Variants in ADAMTS18 observed in about 807,000 individuals in gnomAD.
The protein encoded by ADAMTS18 is ADAM metallopeptidase with thrombospondin type 1 motif 18.
ADAMTS18 carries 157 observed loss-of-function variants against 165.9 expected under a neutral mutation model. The ratio of observed to expected loss-of-function variants is 0.95; its 90% CI spans 0.83 to 1.08. The LOEUF is 1.08. Ranked by LOEUF, ADAMTS18 falls within the 50% of genes least tolerant of loss-of-function variation. The pLI is 0.00. For missense variants in ADAMTS18, 2,040 were observed against 1,534.0 expected, an observed-to-expected ratio of 1.33 and a Z score of -5.51; for synonymous variants, 782 against 578.2, an observed-to-expected ratio of 1.35 and a Z score of -5.06.
At chr16:77,343,770 T>G (rs2056434221) in intron 10 of ADAMTS18, among the ~76,000 whole-genome samples, 1 of 152,200 alleles carries the variant, frequency 6.6e-6, no homozygotes, top group African/African-American at 2.4e-5. Flanking sequence ...ACAGTTAAAG[T>G]TGATATTTAC....
At chr16:77,433,967 A>G (rs1287338311) in intron 2 of ADAMTS18, among the ~76,000 whole-genome samples, 1 of 152,110 alleles carries the variant, frequency 6.6e-6, no homozygotes, top group Non-Finnish European at 1.5e-5. Flanking sequence ...AAAAAAAAAG[A>G]AGAGATAGAA....
At chr16:77,334,727 A>ATATACTATAGATATATACTG (rs2056267134) in intron 12 of ADAMTS18, among the ~76,000 whole-genome samples, 2 of 73,422 alleles carry the variant, frequency 2.7e-5, no homozygotes, top group African/African-American at 1.2e-4. Context: ...GTATACTACT[A>ATATACTATAGATATATACTG]TATACTATAG....
intron 3 of ADAMTS18, among the ~76,000 whole-genome samples, chr16:77,417,489 G>A (rs1390840675): frequency 6.6e-6 from 1 of 152,208 alleles, no homozygotes; most frequent in Non-Finnish European, 1.5e-5. Context: ...ACTACTCACT[G>A]TTAGCTGATG....
chr16:77,389,526 C>A (rs566182507), intron 3 of ADAMTS18, among the ~76,000 whole-genome samples: 5 of 152,050 alleles, frequency 3.3e-5, no homozygotes, highest in Non-Finnish European at 7.4e-5. Context: ...GTAGGACCTG[C>A]GAATAAGTAA....
chr16:77,389,503 G>A (rs2057156384), intron 3 of ADAMTS18, among the ~76,000 whole-genome samples: 1 of 152,130 alleles, frequency 6.6e-6, no homozygotes, highest in African/African-American at 2.4e-5. Flanking sequence ...TTTATAATGG[G>A]CCAGGCACTG....
At position 77,367,505 on chromosome 16, in the gene ADAMTS18, A is replaced by G. The variant is rs1456738107; in HGVS notation, c.714T>C (p.Ser238=). ...SPSHIPHASQ[S]RETEYHHRRL... The stretch of plus-strand genomic sequence containing the variant: ...TTCGATGGTGATACTCTGTCTCTCG[A>G]CTCTGAGATGCATGGGGAATGTGAC... Residue 238 remains serine, a synonymous_variant, in exon 4 of 23, where the codon AGT becomes AGC. Coordinates refer to ENST00000282849, the MANE Select transcript of ADAMTS18 (RefSeq NM_199355.4). The G allele has an allele frequency of 3.7e-6, 6 of 1,614,174 alleles. No individual in the cohort carries two copies. Among genetic ancestry groups the G allele is most frequent in the Non-Finnish European group, 5.1e-6 (6 of 1,180,024 alleles).
chr16:77,288,123 T>C (rs1337072558), intron 22 of ADAMTS18, among the ~76,000 whole-genome samples: 2 of 152,118 alleles, frequency 1.3e-5, no homozygotes, highest in Non-Finnish European at 2.9e-5. Context: ...AGGTGCTGGG[T>C]GAGCCAAAAA....
At chr16:77,308,042 C>T (rs112843290) in intron 16 of ADAMTS18, among the ~76,000 whole-genome samples, 6 of 152,204 alleles carry the variant, frequency 3.9e-5, no homozygotes, top group Admixed American at 3.3e-4. Context: ...CTGTGGTTAA[C>T]CTATTTCTCA....
chr16:77,383,831 G>A (rs111833173), intron 3 of ADAMTS18, among the ~76,000 whole-genome samples: 10 of 152,176 alleles, frequency 6.6e-5, no homozygotes, highest in African/African-American at 2.4e-4. Flanking sequence ...CGGAGCCACC[G>A]TGCCTGGCCC....
At chr16:77,426,030 G>C (rs891036678) in intron 3 of ADAMTS18, among the ~76,000 whole-genome samples, 2 of 151,818 alleles carry the variant, frequency 1.3e-5, no homozygotes, top group African/African-American at 4.8e-5. Context: ...AACACAGCGA[G>C]ACTCCACATC....
At position 77,367,644 on chromosome 16, in the gene ADAMTS18, C is replaced by G; in HGVS notation, c.575G>C (p.Ser192Thr). The change falls in exon 4 of 23, where the codon AGC (serine) becomes ACC (threonine). Residue 192 changes from serine to threonine, a missense_variant. Coordinates refer to ENST00000282849, the MANE Select transcript of ADAMTS18 (RefSeq NM_199355.4). The stretch of plus-strand genomic sequence containing the variant: ...GTGAGGATGGTGACCCGCAGGGGAG[C>G]TGTAGTTGTGTTCCTGGGCCAGAAG... Reference protein sequence around the residue: ...PQLLAQEHNYSSPAGHHPHVL... With the variant: ...PQLLAQEHNYTSPAGHHPHVL... 1.2e-6 allele frequency: 2 copies of G among 1,614,168 alleles called. No individual in the cohort carries two copies. The highest frequency in any genetic ancestry group is 1.7e-6 in the Non-Finnish European group (2 of 1,180,028).
chr16:77,337,676 T>C (rs1322935221), intron 11 of ADAMTS18, among the ~76,000 whole-genome samples: 1 of 152,170 alleles, frequency 6.6e-6, no homozygotes, highest in Non-Finnish European at 1.5e-5. Context: ...TTAGATCTCT[T>C]CCAGTCATTC....
At chr16:77,384,065 A>G (rs7199573) in intron 3 of ADAMTS18, among the ~76,000 whole-genome samples, 12,287 of 151,612 alleles carry the variant, frequency 0.081, 673 homozygotes, top group East Asian at 0.26. Flanking sequence ...AAAGGCTGGG[A>G]CTTTGTGCCT....
intron 16 of ADAMTS18, among the ~76,000 whole-genome samples, chr16:77,301,851 A>G (rs1217949402): frequency 6.6e-6 from 1 of 152,194 alleles, no homozygotes; most frequent in East Asian, 1.9e-4. Context: ...TAATAGATGG[A>G]TCTGTGTTCC....
intron 2 of ADAMTS18, 65 bp downstream of exon 2, chr16:77,434,353 T>C (rs2057771268): frequency 6.7e-7 from 1 of 1,496,098 alleles, no homozygotes; most frequent in Admixed American, 2.0e-5. Context: ...TTTTCTCTCT[T>C]TGGGGGAAGG....
intron 19 of ADAMTS18, among the ~76,000 whole-genome samples, chr16:77,294,671 C>T (rs1406479584): frequency 6.6e-6 from 1 of 152,172 alleles, no homozygotes; most frequent in South Asian, 2.1e-4. Flanking sequence ...GCTGTGCTCA[C>T]GAGTCTGGCC....
chr16:77,382,389 T>A (rs8050991), intron 3 of ADAMTS18, among the ~76,000 whole-genome samples: 126,004 of 151,938 alleles, frequency 0.83, 52,389 homozygotes, highest in East Asian at 0.91. Flanking sequence ...TTTTTGTATT[T>A]TTAGTAGAGA....
At chr16:77,431,708 A>C in intron 2 of ADAMTS18, 97 bp from the exon 3 acceptor site, 1 of 1,281,378 alleles carries the variant, frequency 7.8e-7, no homozygotes, top group African/African-American at 1.5e-5. Flanking sequence ...AAGCTCAAAG[A>C]TATCTTTGTT....
Position 77,293,074 on chromosome 16 carries a change from A to G in ADAMTS18, c.3189+2T>C. 1 of 1,613,612 alleles carries G rather than the reference A, an allele frequency of 6.2e-7. No individual in the cohort carries two copies. The highest frequency in any genetic ancestry group is 8.5e-7 in the Non-Finnish European group (1 of 1,179,876). On this transcript the variant is annotated splice_donor_variant, in intron 20 of 22. Coordinates refer to ENST00000282849, the MANE Select transcript of ADAMTS18 (RefSeq NM_199355.4). LOFTEE classifies it high-confidence loss of function. The stretch of plus-strand genomic sequence containing the variant: ...GACCCAGCAGTGACTTCTAATCCAT[A>G]CCTCGCTCCACGAAGAAGCGACCCA...
Sources: gnomAD v4.1 joint callset for allele counts (sites outside exome capture counted in the v4.1 genomes callset) on GRCh38, gnomAD v4.1.1 for gene constraint, MANE v1.5 for transcripts, NCBI Gene and HGNC (gene_info 2026-07-23, HGNC 2026-07-21) for gene names.